CCDC38: variants seen among roughly 807,000 people sequenced by gnomAD.
CCDC38 encodes the protein coiled-coil domain-containing protein 38.
CCDC38 carries 69 observed loss-of-function variants against 72.8 expected under a neutral mutation model. The observed-to-expected ratio is 0.95, with a 90% confidence interval of 0.78 to 1.16. The LOEUF is 1.16. CCDC38 is among the 50% of genes most tolerant of loss of function. The pLI is 0.00. For missense variants in CCDC38, 626 were observed against 638.9 expected, an observed-to-expected ratio of 0.98 and a Z score of 0.22; for synonymous variants, 201 against 213.2, an observed-to-expected ratio of 0.94 and a Z score of 0.50.
intron 5 of CCDC38, among the ~76,000 whole-genome samples, chr12:95,904,452 A>G (rs973136616): frequency 1.3e-5 from 2 of 152,214 alleles, no homozygotes; most frequent in Non-Finnish European, 2.9e-5. Flanking sequence ...TATTATACTC[A>G]TGGGTATAGT....
At chr12:95,905,137 T>C (rs2079988266) in intron 5 of CCDC38, among the ~76,000 whole-genome samples, 1 of 152,238 alleles carries the variant, frequency 6.6e-6, no homozygotes, top group Non-Finnish European at 1.5e-5. Flanking sequence ...TAAATAGTTG[T>C]TATACTTTAT....
intron 2 of CCDC38, among the ~76,000 whole-genome samples, chr12:95,926,259 T>C (rs1211641518): frequency 6.6e-6 from 1 of 151,586 alleles, no homozygotes; most frequent in African/African-American, 2.4e-5. Context: ...TTCTTCCTGG[T>C]TTAGTCTTGG....
chr12:95,912,675 G>A (rs1056240963), intron 4 of CCDC38, among the ~76,000 whole-genome samples: 3 of 152,152 alleles, frequency 2.0e-5, no homozygotes, highest in Non-Finnish European at 2.9e-5. Context: ...TCATTACTCC[G>A]ATTTGATTAT....
At chr12:95,881,120 G>C (rs180786701) in intron 11 of CCDC38, among the ~76,000 whole-genome samples, 92 of 151,940 alleles carry the variant, frequency 6.1e-4, no homozygotes, top group African/African-American at 2.0e-3. Context: ...AGCAATAAAG[G>C]GTTGTTTTGT....
intron 10 of CCDC38, 150 bp from the exon 11 acceptor site, chr12:95,881,704 C>T (rs2079702304): frequency 1.8e-6 from 1 of 553,184 alleles, no homozygotes; most frequent in South Asian, 2.2e-5. Flanking sequence ...CTGCTGATTG[C>T]AGAAATCAAT....
intron 10 of CCDC38, among the ~76,000 whole-genome samples, chr12:95,883,624 C>T (rs150068633): frequency 6.6e-6 from 1 of 152,354 alleles, no homozygotes; most frequent in East Asian, 1.9e-4. Context: ...TTGAGTCCTA[C>T]CTTTGCATGC....
At chr12:95,917,332 A>G in intron 3 of CCDC38, 38 bp from the exon 4 acceptor site, 1 of 1,489,930 alleles carries the variant, frequency 6.7e-7, no homozygotes, top group Non-Finnish European at 9.1e-7. Context: ...TTTTTAATAT[A>G]CCAAAGTATG....
Position 95,890,732 on chromosome 12 carries a change from C to T in CCDC38, c.871+100G>A, listed in dbSNP as rs1388984523. 1.9e-5 allele frequency: 12 copies of T among 642,976 alleles called. No individual in the cohort carries two copies. The Admixed American group carries it at 2.8e-4, about 15-fold the overall frequency. The allele number at this position is 642,976 out of a possible 1,614,324, so 39.8% of individuals were successfully genotyped here. ...GCTAGGATTGAGGGTGGGGTGGACA[C>T]AGCCCTCCATTTTCCAGGTTGGCTT... On this transcript the variant is annotated intron_variant, in intron 9 of 15. Transcript: ENST00000344280.
chr12:95,915,597 G>A (rs2080136116), intron 4 of CCDC38, among the ~76,000 whole-genome samples: 1 of 152,002 alleles, frequency 6.6e-6, no homozygotes, highest in Non-Finnish European at 1.5e-5. Flanking sequence ...TTGCTTTCAT[G>A]TAGGTTTGTT....
intron 4 of CCDC38, among the ~76,000 whole-genome samples, chr12:95,913,161 C>T (rs948906769): frequency 6.6e-6 from 1 of 152,198 alleles, no homozygotes; most frequent in Non-Finnish European, 1.5e-5. Context: ...AGGAGGCCCA[C>T]ATCTTCCTGG....
intron 4 of CCDC38, among the ~76,000 whole-genome samples, chr12:95,908,331 GCGCGCCTGCAATCGC>G (rs1426597365): frequency 6.7e-6 from 1 of 149,940 alleles, no homozygotes. Context: ...GCGTGGCGGC[GCGCGCCTGCAATCGC>G]AGGCACTCGG....
intron 2 of CCDC38, 74 bp downstream of exon 2, chr12:95,936,399 T>G: frequency 7.3e-7 from 1 of 1,369,016 alleles, no homozygotes; most frequent in Non-Finnish European, 1.0e-6. Context: ...TCTCCTTTTC[T>G]TATGCTCACA....
At chr12:95,885,943 T>C (rs2079754170) in intron 10 of CCDC38, 1 of 152,240 alleles carries the variant, frequency 6.6e-6, no homozygotes, top group Admixed American at 6.5e-5. Context: ...TTTGGAGTTT[T>C]GGATAACATA....
intron 2 of CCDC38, 142 bp downstream of exon 2, chr12:95,936,331 G>T: frequency 1.4e-6 from 1 of 717,532 alleles, no homozygotes; most frequent in Non-Finnish European, 2.1e-6. Context: ...AAGTAGAACA[G>T]AATCTTCTCT....
chr12:95,883,759 G>T (rs945374602), intron 10 of CCDC38, among the ~76,000 whole-genome samples: 1 of 152,182 alleles, frequency 6.6e-6, no homozygotes, highest in Non-Finnish European at 1.5e-5. Context: ...TATTGTTGGG[G>T]CACTCAATAA....
intron 13 of CCDC38, among the ~76,000 whole-genome samples, chr12:95,876,586 A>G (rs2079638023): frequency 6.6e-6 from 1 of 152,186 alleles, no homozygotes; most frequent in African/African-American, 2.4e-5. Flanking sequence ...AAAAATGGTT[A>G]GAAAAAAACA....
chr12:95,880,256 C>T (rs1365561136), intron 11 of CCDC38, among the ~76,000 whole-genome samples: 2 of 152,116 alleles, frequency 1.3e-5, no homozygotes, highest in South Asian at 4.1e-4. Context: ...CCATGTTCCT[C>T]ATTATTCACG....
At chr12:95,869,790 G>T in intron 14 of CCDC38, 1 of 475,676 alleles carries the variant, frequency 2.1e-6, no homozygotes, top group Non-Finnish European at 3.7e-6. Flanking sequence ...CATCATTTTG[G>T]AAAATATAAA....
chr12:95,910,294 A>G (rs932777357), intron 4 of CCDC38, among the ~76,000 whole-genome samples: 1 of 135,636 alleles, frequency 7.4e-6, no homozygotes, highest in Non-Finnish European at 1.6e-5. Context: ...ATGCAATCCC[A>G]TTTACATTAC....
Sources: gnomAD v4.1 joint callset for allele counts (sites outside exome capture counted in the v4.1 genomes callset) on GRCh38, gnomAD v4.1.1 for gene constraint, MANE v1.5 for transcripts, NCBI Gene and HGNC (gene_info 2026-07-23, HGNC 2026-07-21) for gene names.